SGCD: variants seen among roughly 807,000 people sequenced by gnomAD.
The protein encoded by SGCD is sarcoglycan delta, also known as delta-sarcoglycan.
A neutral mutation model predicts 36.6 loss-of-function variants in SGCD; 18 were observed. The observed-to-expected ratio is 0.49, with a 90% CI of 0.34 to 0.73. The LOEUF (loss-of-function observed/expected upper bound fraction) is 0.73. Ranked by LOEUF, SGCD falls within the 30% of genes least tolerant of loss-of-function variation. The pLI is 0.01. For missense variants in SGCD, 387 were observed against 346.7 expected, an observed-to-expected ratio of 1.12 and a Z score of -0.92; for synonymous variants, 133 against 130.6, an observed-to-expected ratio of 1.02 and a Z score of -0.12.
chr5:155,743,128 T>A, the SGCD span, among the ~76,000 whole-genome samples: 2 of 152,242 alleles, frequency 1.3e-5, no homozygotes, highest in Admixed American at 1.3e-4. Context: ...TAGTCATGAT[T>A]GTTTACATCA....
At chr5:156,603,538 G>T (rs367985436) in intron 6 of SGCD, among the ~76,000 whole-genome samples, 5 of 151,630 alleles carry the variant, frequency 3.3e-5, no homozygotes, top group Admixed American at 6.6e-5. Context: ...TTACTTTTTC[G>T]ATATAGGCAT....
At chr5:156,397,901 C>G (rs1206924637) in intron 3 of SGCD, among the ~76,000 whole-genome samples, 1 of 152,082 alleles carries the variant, frequency 6.6e-6, no homozygotes, top group East Asian at 1.9e-4. Context: ...ATCTCTCTTG[C>G]CTATTGAAAA....
chr5:156,024,210 GACTGAGACAGGCA>G (rs1269184582), intron 1 of SGCD, among the ~76,000 whole-genome samples: 1 of 152,054 alleles, frequency 6.6e-6, no homozygotes, highest in Non-Finnish European at 1.5e-5. Flanking sequence ...AATGCCAAGA[GACTGAGACAGGCA>G]ATGTGTGCTT....
At chr5:156,152,167 G>A (rs1426738458) in intron 3 of SGCD, among the ~76,000 whole-genome samples, 1 of 151,398 alleles carries the variant, frequency 6.6e-6, no homozygotes, top group Non-Finnish European at 1.5e-5. Context: ...ATACAAACTT[G>A]AGTTCATTTA....
intron 1 of SGCD, among the ~76,000 whole-genome samples, chr5:156,112,662 T>C (rs1761814916): frequency 6.6e-6 from 1 of 152,212 alleles, no homozygotes; most frequent in South Asian, 2.1e-4. Flanking sequence ...GGTAATATTA[T>C]GCCCCTTCTA....
Position 156,139,702 on chromosome 5 carries a change from C to G in SGCD, c.-44+15683C>G, listed in dbSNP as rs145661383. Among the ~76,000 whole-genome samples the G allele has an allele frequency of 3.4e-3, 513 of 152,252 alleles. 4 individuals are homozygous for G. Among genetic ancestry groups the G allele is most frequent in the African/African-American group, 0.012 (484 of 41,532 alleles). On this transcript the variant is annotated intron_variant, in intron 3 of 9. Coordinates refer to the SGCD transcript ENST00000517913. ...CTAACCACAGGGAAACTTTCACTCC[C>G]CCGTTTTAAAATAAGAAATGACTAT...
chr5:156,323,119 C>T (rs115790605), upstream of SGCD, among the ~76,000 whole-genome samples: 7 of 152,276 alleles, frequency 4.6e-5, no homozygotes, highest in Non-Finnish European at 1.0e-4. Context: ...GAGGTTAATA[C>T]TAGCACCTGT....
At chr5:156,530,162 T>C (rs79501217) in intron 4 of SGCD, among the ~76,000 whole-genome samples, 2,669 of 152,198 alleles carry the variant, frequency 0.018, 31 homozygotes, top group Non-Finnish European at 0.029. Context: ...GTCCTGAAAA[T>C]AAAAAATAGC....
chr5:155,737,368 C>T, the SGCD span, among the ~76,000 whole-genome samples: 3 of 152,182 alleles, frequency 2.0e-5, no homozygotes, highest in African/African-American at 7.2e-5. Flanking sequence ...CTATTATTTA[C>T]TTGCACATTT....
intron 7 of SGCD, among the ~76,000 whole-genome samples, chr5:156,756,832 C>T (rs1033192376): frequency 1.3e-5 from 2 of 150,134 alleles, no homozygotes; most frequent in Non-Finnish European, 2.9e-5. Flanking sequence ...TGCAGTCAGA[C>T]CACCTCCCCT....
Position 156,672,545 on chromosome 5 carries a change from C to T in SGCD, c.575+25009C>T, listed in dbSNP as rs1302542697. Among the ~76,000 whole-genome samples the T allele has an allele frequency of 7.2e-5, 11 of 152,168 alleles. 1 individual carries two copies. The highest frequency in any genetic ancestry group is 5.2e-4 in the Admixed American group (8 of 15,284). Reference sequence around the variant, plus strand: ...ACCCACAGCTCTGTCTTCACCAAACCCACAGGCTCTTAGCTTTTAGCTTCC... The same window carrying T: ...ACCCACAGCTCTGTCTTCACCAAACTCACAGGCTCTTAGCTTTTAGCTTCC... On this transcript the variant is annotated intron_variant, in intron 7 of 8. Coordinates refer to ENST00000337851, the MANE Select transcript of SGCD (RefSeq NM_000337.6).
At chr5:155,747,317 G>GT in the SGCD span, among the ~76,000 whole-genome samples, 3 of 152,188 alleles carry the variant, frequency 2.0e-5, no homozygotes, top group Non-Finnish European at 4.4e-5. Context: ...GAAGCAGAGG[G>GT]TTTTGGAATC....
chr5:156,074,482 A>C (rs566833276), intron 1 of SGCD, among the ~76,000 whole-genome samples: 9,918 of 152,102 alleles, frequency 0.065, 1,018 homozygotes, highest in African/African-American at 0.22. Flanking sequence ...AGGAGTTAGA[A>C]ATCAGCCTGG....
At chr5:156,045,897 G>A (rs1759753724) in intron 1 of SGCD, among the ~76,000 whole-genome samples, 2 of 151,980 alleles carry the variant, frequency 1.3e-5, no homozygotes, top group South Asian at 2.1e-4. Flanking sequence ...AATATTTTGG[G>A]GGCACACAAA....
the SGCD span, among the ~76,000 whole-genome samples, chr5:155,771,782 G>T: frequency 2.6e-3 from 389 of 152,094 alleles, 4 homozygotes; most frequent in Non-Finnish European, 4.3e-3. Flanking sequence ...GAACTCCTGG[G>T]CTCAAGTGAT....
chr5:156,336,525 GTCTAGCTATTTTTTTTTAATTTTA>G (rs1172758487), intron 2 of SGCD, among the ~76,000 whole-genome samples: 1 of 152,124 alleles, frequency 6.6e-6, no homozygotes, highest in Admixed American at 6.5e-5. Flanking sequence ...ATTTAAAACA[GTCTAGCTATTTTTTTTTAATTTTA>G]TGTTTTTATG....
chr5:155,734,497 C>A, the SGCD span, among the ~76,000 whole-genome samples: 3 of 152,120 alleles, frequency 2.0e-5, no homozygotes, highest in Non-Finnish European at 4.4e-5. Flanking sequence ...CAGGTGTGAG[C>A]CACTACTTGG....
intron 3 of SGCD, among the ~76,000 whole-genome samples, chr5:156,153,826 C>T (rs1762884618): frequency 6.6e-6 from 1 of 151,560 alleles, no homozygotes; most frequent in African/African-American, 2.4e-5. Flanking sequence ...TTCATGGTTA[C>T]ATCGTATGCA....
chr5:156,422,432 C>G (rs1449023843), intron 3 of SGCD, among the ~76,000 whole-genome samples: 2 of 151,970 alleles, frequency 1.3e-5, no homozygotes, highest in Non-Finnish European at 2.9e-5. Context: ...TCCTCTTTTG[C>G]TTTTTCCACT....
Sources: gnomAD v4.1 joint callset for allele counts (sites outside exome capture counted in the v4.1 genomes callset) on GRCh38, gnomAD v4.1.1 for gene constraint, MANE v1.5 for transcripts, NCBI Gene and HGNC (gene_info 2026-07-23, HGNC 2026-07-21) for gene names.